Variants in AK5 observed in about 807,000 individuals in gnomAD.
AK5 encodes the protein adenylate kinase 5, also known as adenylate kinase isoenzyme 5.
Under a neutral mutation model 69.5 loss-of-function variants are expected in AK5, and 27 were observed. That is an observed-to-expected ratio of 0.39 (90% CI 0.29 to 0.54). The LOEUF is 0.54. Among genes scored for constraint, AK5 ranks in the 20% least tolerant of loss-of-function variants. The pLI is 0.71. For missense variants in AK5, 531 were observed against 700.4 expected, an observed-to-expected ratio of 0.76 and a Z score of 2.73; for synonymous variants, 260 against 244.4, an observed-to-expected ratio of 1.06 and a Z score of -0.60.
At chr1:77,464,751 G>T (rs967341658) in intron 8 of AK5, among the ~76,000 whole-genome samples, 2 of 152,144 alleles carry the variant, frequency 1.3e-5, no homozygotes, top group Non-Finnish European at 2.9e-5. Flanking sequence ...ACATGACATT[G>T]CCACTCATGT....
intron 6 of AK5, among the ~76,000 whole-genome samples, chr1:77,409,898 A>C (rs1352740257): frequency 2.6e-5 from 4 of 152,102 alleles, no homozygotes. Context: ...ACTTTAATCT[A>C]TCTTAAGTTC....
rs138692958 is a variant in AK5 at position 77,284,759 on chromosome 1, G to C, written c.61-2182G>C. 6.0e-4 allele frequency among the ~76,000 whole-genome samples: 92 copies of C among 152,316 alleles called. No homozygotes were observed. The Middle Eastern group carries it at 0.017, about 28-fold the overall frequency. ...AGAGACTGAGCAATAATATGTGCTG[G>C]TTGTCTTCAATCCCTGATAGTGGCT... is the stretch of plus-strand genomic sequence containing the variant. On this transcript the variant is annotated intron_variant, in intron 1 of 13. Coordinates refer to ENST00000354567, the MANE Select transcript of AK5 (RefSeq NM_174858.3).
At chr1:77,305,296 T>A (rs774621398) in intron 5 of AK5, among the ~76,000 whole-genome samples, 2 of 152,112 alleles carry the variant, frequency 1.3e-5, no homozygotes, top group Non-Finnish European at 2.9e-5. Flanking sequence ...GTCTTTTTAC[T>A]TTGTTGCTTG....
At position 77,391,495 on chromosome 1, in the gene AK5, G is replaced by GTGTGTATATATATA. The variant is rs1425180466; in HGVS notation, c.892-19485_892-19484insGTGTATATATATAT. Among the ~76,000 whole-genome samples, 138 of 63,324 alleles carry GTGTGTATATATATA rather than the reference G, an allele frequency of 2.2e-3. 1 individual carries two copies. The highest frequency in any genetic ancestry group is 4.3e-3 in the South Asian group (7 of 1,618). The allele number at this position is 63,324 out of a possible 152,430, so 41.5% of individuals were successfully genotyped here. ...TATGTGTGTGTGTATGTGTGTGTGT[G>GTGTGTATATATATA]TATATATATATATATATATATATAT... On this transcript the variant is annotated intron_variant, in intron 6 of 13. Coordinates refer to ENST00000354567, the MANE Select transcript of AK5 (RefSeq NM_174858.3).
intron 13 of AK5, among the ~76,000 whole-genome samples, chr1:77,538,110 G>A (rs1659067810): frequency 6.6e-6 from 1 of 152,194 alleles, no homozygotes; most frequent in South Asian, 2.1e-4. Context: ...GGCCAAGACA[G>A]GAGGATTACT....
intron 12 of AK5, chr1:77,531,989 T>TCCGGCCGGCCGGCCGGCCGG (rs78163096): frequency 2.0e-5 from 3 of 148,532 alleles, no homozygotes; most frequent in Admixed American, 6.7e-5. Context: ...CCTGCGGCCA[T>TCCGGCCGGCCGGCCGGCCGG]CCGGCCGGCC....
chr1:77,526,098 C>T (rs2100330894), intron 12 of AK5, among the ~76,000 whole-genome samples: 2 of 152,264 alleles, frequency 1.3e-5, no homozygotes, highest in Middle Eastern at 6.8e-3. Context: ...TTATTCTAAT[C>T]TTCTAGCCAA....
At chr1:77,487,453 AG>A in intron 10 of AK5, among the ~76,000 whole-genome samples, 1 of 152,368 alleles carries the variant, frequency 6.6e-6, no homozygotes, top group African/African-American at 2.4e-5. Context: ...TCAAAAAATT[AG>A]TACACCTACC....
chr1:77,459,259 T>C (rs1426586297), intron 8 of AK5, among the ~76,000 whole-genome samples: 4 of 152,208 alleles, frequency 2.6e-5, no homozygotes, highest in South Asian at 4.1e-4. Flanking sequence ...TTAAGATGAA[T>C]TTCAAACTCC....
intron 5 of AK5, among the ~76,000 whole-genome samples, chr1:77,308,438 A>G (rs1372398343): frequency 5.9e-4 from 3 of 5,064 alleles, no homozygotes; most frequent in Non-Finnish European, 1.3e-3. Flanking sequence ...CTCTGTCTCA[A>G]AAAAAAAAAA....
chr1:77,403,833 GA>G (rs1391461900), intron 6 of AK5, among the ~76,000 whole-genome samples: 2 of 152,180 alleles, frequency 1.3e-5, no homozygotes, highest in East Asian at 1.9e-4. Flanking sequence ...ATTCTGTGAA[GA>G]AAGTCATTGG....
At chr1:77,288,172 G>A (rs577684039) in intron 2 of AK5, among the ~76,000 whole-genome samples, 26 of 152,254 alleles carry the variant, frequency 1.7e-4, no homozygotes, top group African/African-American at 4.3e-4. Flanking sequence ...ACTAAAAACC[G>A]CAGTTCATTA....
At chr1:77,402,230 C>T (rs1429477762) in intron 6 of AK5, among the ~76,000 whole-genome samples, 1 of 152,120 alleles carries the variant, frequency 6.6e-6, no homozygotes, top group African/African-American at 2.4e-5. Flanking sequence ...CACTATCACT[C>T]CTGCTACCCT....
At chr1:77,344,705 TTCAA>T (rs1246104454) in intron 6 of AK5, among the ~76,000 whole-genome samples, 3 of 152,166 alleles carry the variant, frequency 2.0e-5, no homozygotes, top group African/African-American at 7.2e-5. Flanking sequence ...TAGTCTTCAT[TTCAA>T]TCAGTCTCAC....
intron 10 of AK5, among the ~76,000 whole-genome samples, chr1:77,500,715 G>A (rs886572615): frequency 2.6e-5 from 4 of 152,174 alleles, no homozygotes; most frequent in African/African-American, 9.7e-5. Flanking sequence ...CTAGGAGGCA[G>A]AGGTTGCAGT....
intron 12 of AK5, among the ~76,000 whole-genome samples, chr1:77,533,481 C>A (rs928703732): frequency 7.1e-6 from 1 of 141,288 alleles, no homozygotes; most frequent in Admixed American, 7.4e-5. Flanking sequence ...TGCACTCCAG[C>A]CTAGGCTGCA....
intron 8 of AK5, among the ~76,000 whole-genome samples, chr1:77,477,504 A>C (rs1182061657): frequency 6.6e-6 from 1 of 152,220 alleles, no homozygotes; most frequent in African/African-American, 2.4e-5. Flanking sequence ...AATCTAGGAA[A>C]ATCCTCATAT....
At chr1:77,344,118 G>A (rs1661794582) in intron 6 of AK5, among the ~76,000 whole-genome samples, 1 of 152,082 alleles carries the variant, frequency 6.6e-6, no homozygotes, top group African/African-American at 2.4e-5. Context: ...ATATCTGTTG[G>A]CATATTTGAC....
intron 10 of AK5, among the ~76,000 whole-genome samples, chr1:77,503,403 C>T (rs1308159150): frequency 6.6e-6 from 1 of 152,130 alleles, no homozygotes; most frequent in Non-Finnish European, 1.5e-5. Context: ...AAAAGAGATT[C>T]TGTGTATGAA....
Sources: allele counts gnomAD v4.1 joint callset (sites outside exome capture counted in the v4.1 genomes callset), GRCh38; gene constraint gnomAD v4.1.1; transcripts MANE v1.5; gene names NCBI Gene and HGNC (gene_info 2026-07-23, HGNC 2026-07-21).